The following BIRC6 variants were observed in gnomAD, a reference collection of about 807,000 sequenced individuals.
BIRC6 encodes the protein baculoviral IAP repeat containing 6.
In BIRC6, 98 loss-of-function variants were observed where a neutral mutation model predicts 503.3. That is an observed-to-expected ratio of 0.19 (90% confidence interval 0.17 to 0.23). The LOEUF (loss-of-function observed/expected upper bound fraction) is 0.23. Among genes scored for constraint, BIRC6 ranks in the 10% least tolerant of loss-of-function variants. The pLI is 1.00. For missense variants in BIRC6, 5,360 were observed against 5,806.0 expected (o/e 0.92, Z 2.50); for synonymous variants, 2,240 against 2,078.7 (o/e 1.08, Z -2.11).
intron 61 of BIRC6, among the ~76,000 whole-genome samples, chr2:32,536,538 C>T (rs989207065): frequency 6.6e-6 from 1 of 152,156 alleles, no homozygotes; most frequent in African/African-American, 2.4e-5. Flanking sequence ...TAGCCAGTTT[C>T]CCAGCACCAT....
chr2:32,593,998 A>C lies in BIRC6; in HGVS notation c.13439A>C (p.Asp4480Ala). ...GAAGGACTTACTCTTTTGGTACCAG[A>C]CATCCAAAAGACTGCTGAGATAGTT... is the stretch of plus-strand genomic sequence containing the variant. ...EPEGLTLLVP[D>A]IQKTAEIVYA... Residue 4480 changes from aspartate (D) to alanine (A), a missense_variant, in exon 67 of 74, where the codon GAC (aspartate) becomes GCC (alanine). Physicochemically the swap from Asp to Ala is moderately radical, Grantham distance 126 (BLOSUM62 -2). Around this residue, in one of 16 missense-constraint regions of BIRC6, gnomAD observed 477 missense variants for 574.4 expected, o/e 0.83. Coordinates refer to ENST00000421745, the MANE Select transcript of BIRC6 (RefSeq NM_016252.4). The C allele has an allele frequency of 6.2e-7, 1 of 1,613,576 alleles. No homozygotes were observed. The highest frequency in any genetic ancestry group is 8.5e-7 in the Non-Finnish European group (1 of 1,179,588).
At chr2:32,510,412 G>C (rs1304348759) in intron 52 of BIRC6, 114 bp from the exon 53 acceptor site, 1 of 697,952 alleles carries the variant, frequency 1.4e-6, no homozygotes, top group Non-Finnish European at 2.5e-6. Context: ...GTTCTGTGTT[G>C]TTGGAATTTA....
chr2:32,385,731 G>C (rs1025114212), intron 3 of BIRC6, among the ~76,000 whole-genome samples: 2 of 152,320 alleles, frequency 1.3e-5, no homozygotes, highest in African/African-American at 4.8e-5. Context: ...TCTTGTTGCA[G>C]AGTTTCTTGT....
chr2:32,558,485 G>A (rs1190885446), intron 65 of BIRC6, among the ~76,000 whole-genome samples: 1 of 152,030 alleles, frequency 6.6e-6, no homozygotes, highest in East Asian at 1.9e-4. Context: ...ATCTAGTATT[G>A]AAATTAATTC....
chr2:32,518,200 A>T, intron 55 of BIRC6, 54 bp from the exon 56 acceptor site: 2 of 1,491,174 alleles, frequency 1.3e-6, no homozygotes, highest in Non-Finnish European at 1.8e-6. Flanking sequence ...CTTTCAAAAT[A>T]AAAAGCTGCA....
chr2:32,373,888 CAT>C (rs1322156569), intron 1 of BIRC6, among the ~76,000 whole-genome samples: 1 of 152,182 alleles, frequency 6.6e-6, no homozygotes, highest in East Asian at 1.9e-4. Flanking sequence ...GAAATTCTGA[CAT>C]AGGCTCTAAT....
At chr2:32,493,950 G>T (rs760226211) in intron 45 of BIRC6, among the ~76,000 whole-genome samples, 53 of 152,124 alleles carry the variant, frequency 3.5e-4, no homozygotes, top group Non-Finnish European at 7.1e-4. Flanking sequence ...CTTTTTAAAA[G>T]GTGAAATTTA....
chr2:32,357,573 AG>A lies in BIRC6; in HGVS notation c.325+88del. 6.7e-7 allele frequency: 1 copy of A among 1,498,550 alleles called. No individual in the cohort carries two copies. The highest frequency in any genetic ancestry group is 8.9e-7 in the Non-Finnish European group (1 of 1,129,650). The allele number at this position is 1,498,550 out of a possible 1,614,324, so 92.8% of individuals were successfully genotyped here. A position where few individuals can be genotyped will look rare whatever the true frequency, so the allele number is the denominator to read the frequency against. ...CTCGGCCTCGCGACTCGGGGAAGCGAGATGGCGAGAGGGCAGGGCTGGGGGT... is the reference window on the plus strand; with the variant it reads ...CTCGGCCTCGCGACTCGGGGAAGCGAATGGCGAGAGGGCAGGGCTGGGGGT... On this transcript the variant is annotated intron_variant, in intron 1 of 73. Coordinates refer to ENST00000421745, the MANE Select transcript of BIRC6 (RefSeq NM_016252.4). The surrounding 1 kb of genome is among the most constrained non-coding windows in gnomAD (Gnocchi z 4.9).
intron 33 of BIRC6, among the ~76,000 whole-genome samples, chr2:32,474,691 T>C (rs563690986): frequency 5.9e-5 from 9 of 152,206 alleles, no homozygotes; most frequent in Non-Finnish European, 1.2e-4. Flanking sequence ...TGTACAATAA[T>C]TAAAACTGGC....
chr2:32,415,615 C>T lies in BIRC6; in HGVS notation c.2324C>T (p.Ala775Val), dbSNP rs773321852. The T allele has an allele frequency of 1.4e-5, 22 of 1,613,814 alleles. No individual in the cohort carries two copies. In the Admixed American group the frequency reaches 3.5e-4, roughly 26 times the overall value. ...AATAATTTAAATAAATTAAACTCTG[C>T]ACTATGTAATAGACGGAAAGGTGAG... is the stretch of plus-strand genomic sequence containing the variant. Reference protein sequence around the residue: ...ALNNLNKLNSALCNRRKGELE... With the variant: ...ALNNLNKLNSVLCNRRKGELE... The change falls in exon 10 of 74, where the codon GCA becomes GTA. Residue 775 changes from alanine to valine, a missense_variant. This residue lies in a region of BIRC6 where 700 missense variants were observed against 739.3 expected (regional missense o/e 0.95). Coordinates refer to ENST00000421745, the MANE Select transcript of BIRC6 (RefSeq NM_016252.4).
At chr2:32,613,260 C>G (rs1225119987) in intron 73 of BIRC6, among the ~76,000 whole-genome samples, 2 of 152,072 alleles carry the variant, frequency 1.3e-5, no homozygotes, top group Non-Finnish European at 2.9e-5. Flanking sequence ...TCTTGGCTCA[C>G]TGCATCTTCC....
At chr2:32,443,628 A>G (rs2045652880) in intron 20 of BIRC6, 40 bp downstream of exon 20, 2 of 1,400,784 alleles carry the variant, frequency 1.4e-6, no homozygotes, top group South Asian at 1.3e-5. Context: ...TTATAGTCAT[A>G]TGGAACATCT....
chr2:32,415,762 A>G lies in BIRC6; in HGVS notation c.2471A>G (p.Tyr824Cys), dbSNP rs776144854. 1 of 1,613,728 alleles carries G rather than the reference A, an allele frequency of 6.2e-7. No individual in the cohort carries two copies. Among genetic ancestry groups the G allele is most frequent in the Non-Finnish European group, 8.5e-7 (1 of 1,179,800 alleles). The change falls in exon 10 of 74, where the codon TAT becomes TGT. Residue 824 changes from tyrosine (Y) to cysteine (C), a missense_variant. By Grantham distance (194) the Tyr-to-Cys change is radical. This residue lies in a region of BIRC6 where 700 missense variants were observed against 739.3 expected (regional missense o/e 0.95). Coordinates refer to ENST00000421745, the MANE Select transcript of BIRC6 (RefSeq NM_016252.4). ...QPEQRNVSGG[Y>C]LVLYKMNYAT... Reference sequence around the variant, plus strand: ...GAGCAGAGGAATGTTAGTGGTGGATATTTAGTGCTTTATAAAATGAATTAT... The same window carrying G: ...GAGCAGAGGAATGTTAGTGGTGGATGTTTAGTGCTTTATAAAATGAATTAT...
At chr2:32,559,429 A>G (rs2059003840) in intron 65 of BIRC6, among the ~76,000 whole-genome samples, 1 of 152,204 alleles carries the variant, frequency 6.6e-6, no homozygotes, top group Non-Finnish European at 1.5e-5. Context: ...AATAACAATG[A>G]AGTATGTGTA....
chr2:32,484,091 G>A (rs1249061346), intron 39 of BIRC6, among the ~76,000 whole-genome samples: 1 of 152,072 alleles, frequency 6.6e-6, no homozygotes, highest in African/African-American at 2.4e-5. Flanking sequence ...TGACCAGGCT[G>A]TTCTCAAACT....
At chr2:32,381,026 G>C (rs1214493297) in intron 3 of BIRC6, among the ~76,000 whole-genome samples, 1 of 152,004 alleles carries the variant, frequency 6.6e-6, no homozygotes, top group Admixed American at 6.6e-5. Flanking sequence ...AAATCCTTGG[G>C]TATATTTTTA....
rs1199271734 is a variant in BIRC6 at position 32,525,603 on chromosome 2, T to C, written c.11895T>C (p.Phe3965=). 4 of 1,612,972 alleles carry C rather than the reference T, an allele frequency of 2.5e-6. No homozygotes were observed. The highest frequency in any genetic ancestry group is 3.4e-6 in the Non-Finnish European group (4 of 1,179,576). ...AANKIITVPV[F]HLFHKLLAGQ... ...ACAAAATAATTACTGTCCCAGTGTT[T>C]CACCTGTTTCACAAACTCTTGGCAG... The change falls in exon 59 of 74, where the codon TTT becomes TTC. Residue 3965 remains phenylalanine, a synonymous_variant. Transcript: ENST00000421745.
chr2:32,564,430 G>A (rs918475732), intron 65 of BIRC6: 1 of 152,128 alleles, frequency 6.6e-6, no homozygotes, highest in African/African-American at 2.4e-5. Context: ...GTGAGCATTA[G>A]CATACAAATA....
Position 32,479,513 on chromosome 2 carries a change from G to A in BIRC6, c.7304G>A (p.Gly2435Asp). The change falls in exon 37 of 74, where the codon GGT becomes GAT. Residue 2435 changes from glycine to aspartate, a missense_variant. Gly to Asp is a moderately conservative substitution (Grantham distance 94, BLOSUM62 -1). Coordinates refer to ENST00000421745, the MANE Select transcript of BIRC6 (RefSeq NM_016252.4). ...GAAGCCATGGAGGAAGGAACAGTGG[G>A]TGATGATGTAGGTGCGACAGCTGGT... The part of the protein sequence containing the change: ...AAEAMEEGTV[G>D]DDVGATAGDS... 2 of 1,605,618 alleles carry A rather than the reference G, an allele frequency of 1.2e-6. No homozygotes were observed. The highest frequency in any genetic ancestry group is 1.7e-6 in the Non-Finnish European group (2 of 1,175,822).
Sources: allele counts gnomAD v4.1 joint callset (sites outside exome capture counted in the v4.1 genomes callset), GRCh38; gene constraint gnomAD v4.1.1; regional missense constraint gnomAD v4.1.1; non-coding constraint Gnocchi (gnomAD v3.1); transcripts MANE v1.5; gene names NCBI Gene and HGNC (gene_info 2026-07-23, HGNC 2026-07-21).